The following HIC1 variants were observed in gnomAD, a reference collection of about 807,000 sequenced individuals.
The protein encoded by HIC1 is hypermethylated in cancer 1 protein.
Under a neutral mutation model 26.4 loss-of-function variants are expected in HIC1, and 9 were observed. That is an observed-to-expected ratio of 0.34 (90% CI 0.21 to 0.59). The LOEUF (loss-of-function observed/expected upper bound fraction) is 0.59, where lower values mean the gene tolerates loss of function less well. Among genes scored for constraint, HIC1 ranks in the 20% least tolerant of loss-of-function variants. The probability of loss-of-function intolerance (pLI) is 0.82; values close to 1 mark genes in which losing one functional copy is unlikely to be tolerated. For synonymous variants in HIC1, 631 were observed against 523.1 expected (o/e 1.21, Z -2.81); for missense variants, 965 against 1,075.7 (o/e 0.90, Z 1.44).
In HIC1 at chr17:2,057,308, G is replaced by A. The variant is rs780358142; in HGVS notation, c.618G>A (p.Pro206=). 12 of 1,498,146 alleles carry A rather than the reference G, an allele frequency of 8.0e-6. No individual in the cohort carries two copies. The highest frequency in any genetic ancestry group is 5.7e-5 in the East Asian group (2 of 35,282). 92.8% of individuals were successfully genotyped at this position (1,498,146 alleles called of 1,614,324 possible). A position where few individuals can be genotyped will look rare whatever the true frequency, so the allele number is the denominator to read the frequency against. ...AGCTGTACGCGTCGGGACCCGGCCC[G>A]GCCGCCGCACTCTGTGCCTCGGAGC... ...CAELYASGPG[P]AAALCASERR... is the part of the protein sequence containing the mutation. The change falls in exon 2 of 2, where the codon CCG becomes CCA. Residue 206 remains proline (P), a synonymous_variant. Transcript: ENST00000619757.
Position 2,061,176 on chromosome 17 carries a change from A to C in HIC1, c.*2341A>C. The C allele has an allele frequency of 1.5e-5, 4 of 267,692 alleles. No homozygotes were observed. The highest frequency in any genetic ancestry group is 7.4e-6 in the Non-Finnish European group (1 of 134,792). The allele number at this position is 267,692 out of a possible 1,614,324, so 16.6% of individuals were successfully genotyped here. On this transcript the variant is annotated 3_prime_UTR_variant, in exon 2 of 2. Transcript: ENST00000619757. ...GAGAAGGCCCTCCCTCAGCCTTGGA[A>C]TGAGACGGGGGAGGGAGAAAGGCTG...
Position 2,060,508 on chromosome 17 carries a change from A to T in HIC1, c.*1673A>T, listed in dbSNP as rs2067742112. 1 of 152,244 alleles carries T rather than the reference A, an allele frequency of 6.6e-6. No homozygotes were observed. Among genetic ancestry groups the T allele is most frequent in the African/African-American group, 2.4e-5 (1 of 41,446 alleles). 9.4% of individuals were successfully genotyped at this position (152,244 alleles called of 1,614,324 possible). ...TAGGTTCCTGCCATGGGTAGTAGAGAGGGAAAGTTCAGAGTGAGAACCCCT... is the reference window on the plus strand; with the variant it reads ...TAGGTTCCTGCCATGGGTAGTAGAGTGGGAAAGTTCAGAGTGAGAACCCCT... On this transcript the variant is annotated 3_prime_UTR_variant, in exon 2 of 2. Coordinates refer to ENST00000619757, the MANE Select transcript of HIC1 (RefSeq NM_006497.4).
chr17:2,056,434 C>A, intron 1 of HIC1: 1 of 1,427,526 alleles, frequency 7.0e-7, no homozygotes, highest in South Asian at 1.1e-5. Flanking sequence ...GGCGTGCAGG[C>A]CGCCCTGGCC....
chr17:2,057,110 GGGCGGC>G lies in HIC1; in HGVS notation c.439_444del (p.Gly147_Gly148del), dbSNP rs762248690. ...GCCACGGCAAGTACTGCCACCTGCG[GGGCGGC>G]GGCGGCGGCGGCGGCGGCTACGCGC... is the stretch of plus-strand genomic sequence containing the variant. On this transcript the variant is annotated inframe_deletion, in exon 2 of 2. Coordinates refer to ENST00000619757, the MANE Select transcript of HIC1 (RefSeq NM_006497.4). 101 of 1,321,876 alleles carry G rather than the reference GGGCGGC, an allele frequency of 7.6e-5. 1 individual carries two copies. The highest frequency in any genetic ancestry group is 4.9e-4 in the Middle Eastern group (2 of 4,044). The allele number at this position is 1,321,876 out of a possible 1,614,324, so 81.9% of individuals were successfully genotyped here.
chr17:2,055,491 A>C lies in HIC1; in HGVS notation c.-21+253A>C. On this transcript the variant is annotated intron_variant, in intron 1 of 1. Coordinates refer to ENST00000619757, the MANE Select transcript of HIC1 (RefSeq NM_006497.4). This position sits in a 1 kb window ranked among gnomAD's most constrained non-coding sequence, Gnocchi z 6.4. ...GGGCTGGAGAGGCGAGGGGAAGGGAAGGGAAGGGGAGCTGGCGGGCGGGGC... is the reference window on the plus strand; with the variant it reads ...GGGCTGGAGAGGCGAGGGGAAGGGACGGGAAGGGGAGCTGGCGGGCGGGGC... Among the ~76,000 whole-genome samples, 1 of 150,294 alleles carries C rather than the reference A, an allele frequency of 6.7e-6. No individual in the cohort carries two copies.
rs2067810870 is a variant in HIC1 at position 2,062,464 on chromosome 17, T to C, written c.*3629T>C. 6.6e-6 allele frequency: 1 copy of C among 152,162 alleles called. No individual in the cohort carries two copies. The highest frequency in any genetic ancestry group is 1.5e-5 in the Non-Finnish European group (1 of 68,030). 9.4% of individuals were successfully genotyped at this position (152,162 alleles called of 1,614,324 possible). A position where few individuals can be genotyped will look rare whatever the true frequency, so the allele number is the denominator to read the frequency against. On this transcript the variant is annotated 3_prime_UTR_variant, in exon 2 of 2. Coordinates refer to ENST00000619757, the MANE Select transcript of HIC1 (RefSeq NM_006497.4). ...AGAGTATATACTTAAAAGGTCTTGC[T>C]ATAGTGGCACAGATATCTTTCATTC... is the stretch of plus-strand genomic sequence containing the variant.
Position 2,057,725 on chromosome 17 carries a change from C to T in HIC1, c.1035C>T (p.Ala345=). ...ERCEERGGDA[A]VSPGGPPLGL... ...GCGAAGAGCGTGGTGGGGACGCGGC[C>T]GTCTCGCCCGGGGGGCCCCCGCTCG... The change falls in exon 2 of 2, where the codon GCC becomes GCT. Residue 345 remains alanine, a synonymous_variant. Transcript: ENST00000619757. The T allele has an allele frequency of 7.0e-7, 1 of 1,423,620 alleles. No homozygotes were observed. Among genetic ancestry groups the T allele is most frequent in the Non-Finnish European group, 9.1e-7 (1 of 1,093,884 alleles). The allele number at this position is 1,423,620 out of a possible 1,614,324, so 88.2% of individuals were successfully genotyped here.
rs1332029479 is a variant in HIC1 at position 2,061,080 on chromosome 17, T to G, written c.*2245T>G. 2 of 169,644 alleles carry G rather than the reference T, an allele frequency of 1.2e-5. No individual in the cohort carries two copies. The highest frequency in any genetic ancestry group is 2.6e-5 in the Non-Finnish European group (2 of 77,392). The allele number at this position is 169,644 out of a possible 1,614,324, so 10.5% of individuals were successfully genotyped here. A position where few individuals can be genotyped will look rare whatever the true frequency, so the allele number is the denominator to read the frequency against. On this transcript the variant is annotated 3_prime_UTR_variant, in exon 2 of 2. Coordinates refer to ENST00000619757, the MANE Select transcript of HIC1 (RefSeq NM_006497.4). The stretch of plus-strand genomic sequence containing the variant: ...TCTGAAGATGAAAGGGAACTGTGAT[T>G]TCACTGCATCTGACGGAAACTCAGA...
chr17:2,058,427 C>G lies in HIC1; in HGVS notation c.1737C>G (p.Gly579=), dbSNP rs370184800. The G allele has an allele frequency of 6.2e-7, 1 of 1,605,542 alleles. No homozygotes were observed. The highest frequency in any genetic ancestry group is 1.3e-5 in the African/African-American group (1 of 74,576). Reference sequence around the variant, plus strand: ...CCTACGAGTGCCAGGTGTGCGGCGGCAAGTTCGCACAGCAACGCAACCTCA... The same window carrying G: ...CCTACGAGTGCCAGGTGTGCGGCGGGAAGTTCGCACAGCAACGCAACCTCA... ...EKPYECQVCG[G]KFAQQRNLIS... Residue 579 remains glycine, a synonymous_variant, in exon 2 of 2, where the codon GGC becomes GGG. Coordinates refer to ENST00000619757, the MANE Select transcript of HIC1 (RefSeq NM_006497.4).
At position 2,057,802 on chromosome 17, in the gene HIC1, G is replaced by GCGGCGA. The variant is rs1309991543; in HGVS notation, c.1121_1126dup (p.Gly374_Asp375dup). The GCGGCGA allele has an allele frequency of 2.5e-5, 39 of 1,542,954 alleles. No individual in the cohort carries two copies. Among genetic ancestry groups the GCGGCGA allele is most frequent in the Non-Finnish European group, 3.2e-5 (37 of 1,148,978 alleles). ...GGCAGCCTGGACGGGCCCGGCGCGG[G>GCGGCGA]CGGCGACGGCGACGACTACAAGAGC... On this transcript the variant is annotated inframe_insertion, in exon 2 of 2. Coordinates refer to ENST00000619757, the MANE Select transcript of HIC1 (RefSeq NM_006497.4).
intron 1 of HIC1, chr17:2,056,268 C>G: frequency 6.3e-7 from 1 of 1,575,934 alleles, no homozygotes; most frequent in Non-Finnish European, 8.7e-7. Flanking sequence ...GCTGGTTCCT[C>G]GGCTCCCTTT....
rs757197344 is a variant in HIC1 at position 2,061,475 on chromosome 17, G to GC, written c.*2644dup. The stretch of plus-strand genomic sequence containing the variant: ...TCAGGAACGGTTCCACGGGGGGGGG[G>GC]CCCCAGTGTGGCTCCCTCAGCCCAC... On this transcript the variant is annotated 3_prime_UTR_variant, in exon 2 of 2. Coordinates refer to ENST00000619757, the MANE Select transcript of HIC1 (RefSeq NM_006497.4). 3.2e-6 allele frequency: 5 copies of GC among 1,565,316 alleles called. No individual in the cohort carries two copies. The highest frequency in any genetic ancestry group is 3.6e-5 in the Admixed American group (2 of 55,146).
chr17:2,061,895 GCCT>G lies in HIC1; in HGVS notation c.*3063_*3065del, dbSNP rs1426318390. 1 of 409,874 alleles carries G rather than the reference GCCT, an allele frequency of 2.4e-6. No homozygotes were observed. The highest frequency in any genetic ancestry group is 2.0e-5 in the African/African-American group (1 of 49,184). 25.4% of individuals were successfully genotyped at this position (409,874 alleles called of 1,614,324 possible). On this transcript the variant is annotated 3_prime_UTR_variant, in exon 2 of 2. Coordinates refer to ENST00000619757, the MANE Select transcript of HIC1 (RefSeq NM_006497.4). ...TCCCAAAAGCTGCCCAAACCCGTCAGCCTCCCAGGACCCTAAACTGAGGGAATA... is the reference window on the plus strand; with the variant it reads ...TCCCAAAAGCTGCCCAAACCCGTCAGCCCAGGACCCTAAACTGAGGGAATA...
At position 2,058,649 on chromosome 17, in the gene HIC1, G is replaced by A; in HGVS notation, c.1959G>A (p.Glu653=). 1.3e-6 allele frequency: 2 copies of A among 1,563,694 alleles called. No individual in the cohort carries two copies. The highest frequency in any genetic ancestry group is 1.4e-5 in the African/African-American group (1 of 71,934). ...LKQQDKAAAA[E]LLAQTTHFLH... is the part of the protein sequence containing the mutation. The stretch of plus-strand genomic sequence containing the variant: ...AGCAGGACAAGGCGGCCGCGGCCGA[G>A]CTGCTGGCGCAGACCACGCACTTCC... Residue 653 remains glutamate (E), a synonymous_variant, in exon 2 of 2, where the codon GAG becomes GAA. Transcript: ENST00000619757.
Position 2,062,405 on chromosome 17 carries a change from C to T in HIC1, c.*3570C>T, listed in dbSNP as rs2067808811. The T allele has an allele frequency of 6.6e-6, 1 of 152,146 alleles. No homozygotes were observed. Among genetic ancestry groups the T allele is most frequent in the Non-Finnish European group, 1.5e-5 (1 of 68,032 alleles). 9.4% of individuals were successfully genotyped at this position (152,146 alleles called of 1,614,324 possible). On this transcript the variant is annotated 3_prime_UTR_variant, in exon 2 of 2. Transcript: ENST00000619757. ...ACACTTGGACATATAACCTTTTTTT[C>T]CTACAGCATCATGATCATATTAGCC...
chr17:2,059,018 G>GGTC lies in HIC1; in HGVS notation c.*184_*185insTCG, dbSNP rs1219945829. The GGTC allele has an allele frequency of 1.5e-4, 81 of 531,928 alleles. 1 individual carries two copies. Among genetic ancestry groups the GGTC allele is most frequent in the African/African-American group, 1.5e-3 (75 of 49,596 alleles). 33.0% of individuals were successfully genotyped at this position (531,928 alleles called of 1,614,324 possible). ...CTTCGTGCCTTAGCTCGGGGGTCGG[G>GGTC]GGAGAACCCCGGGACGGGGGTGGGA... On this transcript the variant is annotated 3_prime_UTR_variant, in exon 2 of 2. Coordinates refer to ENST00000619757, the MANE Select transcript of HIC1 (RefSeq NM_006497.4).
At position 2,058,758 on chromosome 17, in the gene HIC1, G is replaced by T; in HGVS notation, c.2068G>T (p.Ala690Ser). ...GCTGGGCCTCAGCCCCGACAAGGCG[G>T]CCGAGGTGCTGAGCCAGGGCGCTCA... ...AELGLSPDKA[A>S]EVLSQGAHLA... The change falls in exon 2 of 2, where the codon GCC becomes TCC. Residue 690 changes from alanine (A) to serine (S), a missense_variant. Transcript: ENST00000619757. The T allele has an allele frequency of 6.6e-7, 1 of 1,524,586 alleles. No individual in the cohort carries two copies. Among genetic ancestry groups the T allele is most frequent in the Non-Finnish European group, 8.8e-7 (1 of 1,140,566 alleles). The allele number at this position is 1,524,586 out of a possible 1,614,324, so 94.4% of individuals were successfully genotyped here. A position where few individuals can be genotyped will look rare whatever the true frequency, so the allele number is the denominator to read the frequency against.
chr17:2,055,902 C>T lies in HIC1; in HGVS notation c.-21+664C>T, dbSNP rs1417395156. Among the ~76,000 whole-genome samples, 3 of 150,378 alleles carry T rather than the reference C, an allele frequency of 2.0e-5. No homozygotes were observed. The highest frequency in any genetic ancestry group is 4.4e-5 in the Non-Finnish European group (3 of 67,420). ...CGGGCCCGCGCGTGTAGGGCCCAGG[C>T]CGAGGCCGGGACGCGGGTGGGGCGC... On this transcript the variant is annotated intron_variant, in intron 1 of 1. Coordinates refer to ENST00000619757, the MANE Select transcript of HIC1 (RefSeq NM_006497.4). This position sits in a 1 kb window ranked among gnomAD's most constrained non-coding sequence, Gnocchi z 6.4.
Position 2,058,099 on chromosome 17 carries a change from G to A in HIC1, c.1409G>A (p.Gly470Asp), listed in dbSNP as rs376477815. 3.8e-5 allele frequency: 61 copies of A among 1,592,788 alleles called. No individual in the cohort carries two copies. In the African/African-American group the frequency reaches 6.8e-4, roughly 18 times the overall value. The change falls in exon 2 of 2, where the codon GGC becomes GAC. Residue 470 changes from glycine to aspartate, a missense_variant. Gly to Asp is a moderately conservative substitution (Grantham distance 94, BLOSUM62 -1). Around this residue, in one of 6 missense-constraint regions of HIC1, gnomAD observed 105 missense variants for 101.4 expected, o/e 1.04. Transcript: ENST00000619757. ...AAGLGPPFGG[G>D]GDKVAGAPGG... Reference sequence around the variant, plus strand: ...GGCCTAGGGCCCCCTTTTGGAGGCGGCGGGGACAAGGTCGCCGGGGCTCCG... The same window carrying A: ...GGCCTAGGGCCCCCTTTTGGAGGCGACGGGGACAAGGTCGCCGGGGCTCCG...
Sources: gnomAD v4.1 joint callset for allele counts (sites outside exome capture counted in the v4.1 genomes callset) on GRCh38, gnomAD v4.1.1 for gene constraint, gnomAD v4.1.1 regional missense constraint, Gnocchi (gnomAD v3.1) non-coding constraint, MANE v1.5 for transcripts, NCBI Gene and HGNC (gene_info 2026-07-23, HGNC 2026-07-21) for gene names.